The following DMD variants were observed in gnomAD, a reference collection of about 807,000 sequenced individuals.
The protein encoded by DMD is dystrophin, also known as mutant dystrophin.
DMD carries 63 observed loss-of-function variants against 330.1 expected under a neutral mutation model. The ratio of observed to expected loss-of-function variants is 0.19; its 90% confidence interval spans 0.16 to 0.24. The LOEUF (loss-of-function observed/expected upper bound fraction) is 0.24. Ranked by LOEUF, DMD falls within the 10% of genes least tolerant of loss-of-function variation. DMD has a pLI of 1.00. For synonymous variants in DMD, 1,223 were observed against 959.8 expected, an observed-to-expected ratio of 1.27 and a Z score of -5.07; for missense variants, 3,344 against 2,684.1, an observed-to-expected ratio of 1.25 and a Z score of -5.43.
chrX:32,941,699 G>A (rs1230485754), intron 2 of DMD, among the ~76,000 whole-genome samples: 2 of 110,687 alleles, frequency 1.8e-5, no homozygotes, highest in Admixed American at 1.9e-4. Context: ...TGACTATTGG[G>A]TACTATACTC....
chrX:32,706,179 G>T (rs2064618679), intron 7 of DMD, among the ~76,000 whole-genome samples: 1 of 86,399 alleles, frequency 1.2e-5, no homozygotes, highest in South Asian at 7.1e-4. Flanking sequence ...TGAAAAAAGA[G>T]AACACTTGGA....
intron 47 of DMD, among the ~76,000 whole-genome samples, chrX:31,899,326 T>G (rs1475385421): frequency 3.4e-5 from 3 of 88,742 alleles, no homozygotes; most frequent in Admixed American, 2.7e-4. Flanking sequence ...TCTAGTCTTT[T>G]GAAGAACAGG....
chrX:32,015,215 C>T (rs758234484), intron 44 of DMD, among the ~76,000 whole-genome samples: 3 of 111,710 alleles, frequency 2.7e-5, no homozygotes, highest in African/African-American at 9.8e-5. Flanking sequence ...AGCTGAGAAC[C>T]AACAGTTCGA....
At chrX:32,791,677 A>G (rs940202938) in intron 7 of DMD, among the ~76,000 whole-genome samples, 2 of 112,226 alleles carry the variant, frequency 1.8e-5, no homozygotes, top group Non-Finnish European at 3.8e-5. Flanking sequence ...AAAATAACCT[A>G]CTCAAACAAA....
rs746016590 is a variant in DMD at position 32,114,991 on chromosome X, C to CTAAT, written c.6438+101921_6438+101924dup. ...CAATGGTCTATTCTTTTGTGTTTGT[C>CTAAT]TAATTGTATTTTCAACATTTGACAC... On this transcript the variant is annotated intron_variant, in intron 44 of 78. Transcript: ENST00000357033. Among the ~76,000 whole-genome samples, 308 of 112,062 alleles carry CTAAT rather than the reference C, an allele frequency of 2.7e-3. 3 individuals are homozygous for CTAAT. The highest frequency in any genetic ancestry group is 4.8e-3 in the Non-Finnish European group (258 of 53,210).
chrX:32,672,160 T>C, intron 9 of DMD, among the ~76,000 whole-genome samples: 1 of 111,207 alleles, frequency 9.0e-6, no homozygotes, highest in Non-Finnish European at 1.9e-5. Flanking sequence ...GTGGGACAGG[T>C]CCTAAAGTAT....
At chrX:33,226,332 G>A (rs1190353668) in intron 1 of DMD, among the ~76,000 whole-genome samples, 1 of 111,525 alleles carries the variant, frequency 9.0e-6, no homozygotes, top group Non-Finnish European at 1.9e-5. Flanking sequence ...TCCTTCAACA[G>A]GCAAATGGTT....
chrX:32,861,951 G>A (rs1313356104), intron 2 of DMD, among the ~76,000 whole-genome samples: 1 of 111,941 alleles, frequency 8.9e-6, no homozygotes, highest in Non-Finnish European at 1.9e-5. Context: ...TACTTCCCAT[G>A]CCTCATATTT....
intron 20 of DMD, among the ~76,000 whole-genome samples, chrX:32,491,073 G>T (rs1030917196): frequency 8.9e-6 from 1 of 112,375 alleles, no homozygotes; most frequent in East Asian, 2.8e-4. Context: ...GTGTAACTAC[G>T]CCAAATACAA....
chrX:32,022,075 A>C (rs747908858), intron 44 of DMD, among the ~76,000 whole-genome samples: 1 of 111,981 alleles, frequency 8.9e-6, no homozygotes, highest in African/African-American at 3.2e-5. Flanking sequence ...GTAGGTATAC[A>C]TTACCTCAAT....
intron 67 of DMD, among the ~76,000 whole-genome samples, chrX:31,192,362 A>G (rs761632945): frequency 9.8e-5 from 11 of 112,501 alleles, no homozygotes; most frequent in Non-Finnish European, 1.5e-4. Flanking sequence ...TACTGAGGAA[A>G]CTATAGTGTA....
chrX:31,160,108 G>C (rs1307432545), intron 74 of DMD, among the ~76,000 whole-genome samples: 1 of 110,775 alleles, frequency 9.0e-6, no homozygotes, highest in Admixed American at 9.7e-5. Context: ...TGCTGTCTTT[G>C]GTAAACATCT....
At chrX:32,607,461 TAATTGTTA>T (rs1357553717) in intron 12 of DMD, among the ~76,000 whole-genome samples, 1 of 109,605 alleles carries the variant, frequency 9.1e-6, no homozygotes, top group African/African-American at 3.3e-5. Flanking sequence ...GATAAAAATT[TAATTGTTA>T]AAGGATACAG....
At chrX:32,389,980 T>C (rs755671689) in intron 31 of DMD, 91 bp downstream of exon 31, 2 of 737,635 alleles carry the variant, frequency 2.7e-6, no homozygotes, top group Non-Finnish European at 4.2e-6. Flanking sequence ...TGTCCTCAAA[T>C]CCAATCTTGC....
At chrX:32,345,445 A>T (rs998823317) in intron 39 of DMD, among the ~76,000 whole-genome samples, 4 of 111,384 alleles carry the variant, frequency 3.6e-5, no homozygotes, top group Non-Finnish European at 5.7e-5. Flanking sequence ...GACTTTGTAG[A>T]TAGTTGCAAA....
At chrX:31,893,835 C>A (rs753599152) in intron 47 of DMD, among the ~76,000 whole-genome samples, 1 of 111,395 alleles carries the variant, frequency 9.0e-6, no homozygotes, top group African/African-American at 3.3e-5. Context: ...TTATAGAATC[C>A]GAGGGCCTTC....
At chrX:31,831,570 CT>C (rs199977365) in intron 49 of DMD, among the ~76,000 whole-genome samples, 2 of 111,327 alleles carry the variant, frequency 1.8e-5, no homozygotes, top group African/African-American at 3.3e-5. Context: ...TACTCCAAGA[CT>C]TTTTTTTCAG....
At chrX:31,349,557 TA>T (rs2058278512) in intron 60 of DMD, among the ~76,000 whole-genome samples, 2 of 112,329 alleles carry the variant, frequency 1.8e-5, no homozygotes, top group African/African-American at 6.5e-5. Context: ...AATATACCTT[TA>T]GGGGGCATGC....
At chrX:32,713,162 T>G (rs2065349005) in intron 7 of DMD, among the ~76,000 whole-genome samples, 1 of 112,203 alleles carries the variant, frequency 8.9e-6, no homozygotes. Flanking sequence ...AATAATTTCT[T>G]AACTGTACTC....
Sources: gnomAD v4.1 joint callset for allele counts (sites outside exome capture counted in the v4.1 genomes callset) on GRCh38, gnomAD v4.1.1 for gene constraint, MANE v1.5 for transcripts, NCBI Gene and HGNC (gene_info 2026-07-23, HGNC 2026-07-21) for gene names.